Variants in MANBAL observed in about 807,000 individuals in gnomAD.
MANBAL encodes the protein mannosidase beta like, also known as protein MANBAL.
MANBAL carries 1 observed loss-of-function variant against 6.4 expected under a neutral mutation model. That is an observed-to-expected ratio of 0.16 (90% CI 0.06 to 0.74). The LOEUF is 0.74. Among genes scored for constraint, MANBAL ranks in the 30% least tolerant of loss-of-function variants. MANBAL has a pLI of 0.78. For missense variants in MANBAL, 100 were observed against 107.8 expected (o/e 0.93, Z 0.32); for synonymous variants, 47 against 45.8 (o/e 1.03, Z -0.10).
chr20:37,300,034 G>A (rs1309728463), intron 1 of MANBAL, among the ~76,000 whole-genome samples: 1 of 152,160 alleles, frequency 6.6e-6, no homozygotes, highest in Non-Finnish European at 1.5e-5. Flanking sequence ...TGGCTTATTG[G>A]CAGGGGCCTC....
chr20:37,308,713 C>T (rs1189413811), intron 2 of MANBAL, among the ~76,000 whole-genome samples: 1 of 152,106 alleles, frequency 6.6e-6, no homozygotes, highest in Non-Finnish European at 1.5e-5. Flanking sequence ...TCCTCCTCCC[C>T]ATAACCCTCC....
At chr20:37,292,744 C>T (rs1274142192) in intron 1 of MANBAL, among the ~76,000 whole-genome samples, 4 of 152,186 alleles carry the variant, frequency 2.6e-5, no homozygotes, top group African/African-American at 4.8e-5. Context: ...GACATATCCC[C>T]CTCTATATGT....
chr20:37,303,635 G>GAT (rs1195946190), intron 2 of MANBAL, among the ~76,000 whole-genome samples: 1 of 152,234 alleles, frequency 6.6e-6, no homozygotes, highest in East Asian at 1.9e-4. Context: ...GCAGTGAAAG[G>GAT]ATACCAGGTA....
chr20:37,316,482 C>T lies in MANBAL; in HGVS notation c.*67C>T, dbSNP rs2069523262. 1 of 1,380,524 alleles carries T rather than the reference C, an allele frequency of 7.2e-7. No homozygotes were observed. Among genetic ancestry groups the T allele is most frequent in the Admixed American group, 2.0e-5 (1 of 49,140 alleles). 85.5% of individuals were successfully genotyped at this position (1,380,524 alleles called of 1,614,324 possible). Reference sequence around the variant, plus strand: ...TGGGGACAGCCCTCCTGGGAATCTACATTGTGTTCCCCCGCATTCCAGGCT... The same window carrying T: ...TGGGGACAGCCCTCCTGGGAATCTATATTGTGTTCCCCCGCATTCCAGGCT... On this transcript the variant is annotated 3_prime_UTR_variant, in exon 3 of 3. Transcript: ENST00000373606.
At chr20:37,314,494 C>T (rs1209544887) in intron 2 of MANBAL, among the ~76,000 whole-genome samples, 2 of 152,218 alleles carry the variant, frequency 1.3e-5, no homozygotes, top group Admixed American at 6.5e-5. Flanking sequence ...AGCCCCCAGC[C>T]TTGAGCTCAG....
chr20:37,290,390 G>A (rs963511305), intron 1 of MANBAL, among the ~76,000 whole-genome samples: 1 of 151,760 alleles, frequency 6.6e-6, no homozygotes, highest in Non-Finnish European at 1.5e-5. Flanking sequence ...TTAATGGGAC[G>A]GGCCAGGCTG....
At chr20:37,291,800 T>A (rs980459418) in intron 1 of MANBAL, among the ~76,000 whole-genome samples, 20 of 152,198 alleles carry the variant, frequency 1.3e-4, no homozygotes, top group South Asian at 1.0e-3. Context: ...CTGCACACAC[T>A]CTCTTGCCTG....
intron 1 of MANBAL, among the ~76,000 whole-genome samples, chr20:37,295,101 C>G (rs1381728154): frequency 6.6e-6 from 1 of 152,168 alleles, no homozygotes. Flanking sequence ...CCTGACTCAT[C>G]AGGAGAGTCT....
chr20:37,292,006 T>G (rs2068882367), intron 1 of MANBAL, among the ~76,000 whole-genome samples: 1 of 152,234 alleles, frequency 6.6e-6, no homozygotes, highest in African/African-American at 2.4e-5. Context: ...TCACATCATA[T>G]CAAGGGTACA....
chr20:37,315,755 C>T (rs1341763308), intron 2 of MANBAL, among the ~76,000 whole-genome samples: 1 of 152,242 alleles, frequency 6.6e-6, no homozygotes, highest in Non-Finnish European at 1.5e-5. Flanking sequence ...CTCTGCACCC[C>T]TCCCAGTCCT....
intron 1 of MANBAL, among the ~76,000 whole-genome samples, chr20:37,301,006 G>A (rs112803793): frequency 0.015 from 2,223 of 152,204 alleles, 25 homozygotes; most frequent in Middle Eastern, 0.048. Context: ...ATCCAGGTGT[G>A]TTGGCCCACA....
At chr20:37,311,142 G>A (rs1200123117) in intron 2 of MANBAL, among the ~76,000 whole-genome samples, 2 of 152,232 alleles carry the variant, frequency 1.3e-5, no homozygotes, top group African/African-American at 4.8e-5. Context: ...CGATGGAGAG[G>A]CTCGGTGAGC....
At chr20:37,292,191 A>G (rs1049261047) in intron 1 of MANBAL, among the ~76,000 whole-genome samples, 13 of 152,160 alleles carry the variant, frequency 8.5e-5, no homozygotes, top group Non-Finnish European at 1.3e-4. Context: ...ATTATGCCCC[A>G]TGCTTAAAGG....
intron 2 of MANBAL, among the ~76,000 whole-genome samples, chr20:37,309,443 C>T (rs1053050981): frequency 2.0e-5 from 3 of 152,152 alleles, no homozygotes; most frequent in Non-Finnish European, 2.9e-5. Flanking sequence ...CCCCCAGACC[C>T]CCATGGGATA....
chr20:37,293,237 T>C (rs2068913911), intron 1 of MANBAL, among the ~76,000 whole-genome samples: 1 of 152,204 alleles, frequency 6.6e-6, no homozygotes, highest in Admixed American at 6.5e-5. Flanking sequence ...TATAATGGAA[T>C]GATCATACAA....
chr20:37,295,987 C>T (rs1246506621), intron 1 of MANBAL, among the ~76,000 whole-genome samples: 5 of 152,216 alleles, frequency 3.3e-5, no homozygotes, highest in Non-Finnish European at 7.3e-5. Context: ...TAGATGAGAG[C>T]CGTACGGCGC....
chr20:37,295,951 G>C (rs2068986208), intron 1 of MANBAL, among the ~76,000 whole-genome samples: 1 of 152,220 alleles, frequency 6.6e-6, no homozygotes, highest in Admixed American at 6.5e-5. Context: ...GGGCTGGGAA[G>C]TAAAGCACAG....
chr20:37,290,712 G>T (rs913255939), intron 1 of MANBAL, among the ~76,000 whole-genome samples: 16 of 152,134 alleles, frequency 1.1e-4, no homozygotes, highest in African/African-American at 3.9e-4. Context: ...ACCCGCCTCG[G>T]CCTCCCAGAG....
chr20:37,312,920 T>G (rs904022141), intron 2 of MANBAL, among the ~76,000 whole-genome samples: 2 of 152,216 alleles, frequency 1.3e-5, no homozygotes, highest in Non-Finnish European at 2.9e-5. Context: ...AGGCCTGGTT[T>G]TAAGTGCTGT....
Sources: gnomAD v4.1 joint callset for allele counts (sites outside exome capture counted in the v4.1 genomes callset) on GRCh38, gnomAD v4.1.1 for gene constraint, MANE v1.5 for transcripts, NCBI Gene and HGNC (gene_info 2026-07-23, HGNC 2026-07-21) for gene names.